Variants in CCDC110 observed in about 807,000 individuals in gnomAD.
CCDC110 encodes coiled-coil domain-containing protein 110.
CCDC110 carries 70 observed loss-of-function variants against 77.1 expected under a neutral mutation model. The ratio of observed to expected loss-of-function variants is 0.91; its 90% CI spans 0.75 to 1.11. The LOEUF (loss-of-function observed/expected upper bound fraction) is 1.11, where lower values mean the gene tolerates loss of function less well. CCDC110 is among the 50% of genes least tolerant of loss of function. CCDC110 has a pLI of 0.00. For missense variants in CCDC110, 868 were observed against 942.9 expected, an observed-to-expected ratio of 0.92 and a Z score of 1.04; for synonymous variants, 295 against 312.5, an observed-to-expected ratio of 0.94 and a Z score of 0.59.
chr4:185,471,083 G>T, intron 1 of CCDC110, 34 bp from the exon 2 acceptor site: 2 of 1,367,088 alleles, frequency 1.5e-6, no homozygotes, highest in South Asian at 1.2e-5. Context: ...GTTCTGTCGC[G>T]GGTCGTGGCG....
chr4:185,449,666 TC>T (rs1294095695), intron 6 of CCDC110: 2 of 1,494,138 alleles, frequency 1.3e-6, no homozygotes. Context: ...CAAGTAGCTT[TC>T]TAGATCTTAA....
In CCDC110 at chr4:185,460,037, T is replaced by A; in HGVS notation, c.550A>T (p.Ile184Phe). ...TCAGAATTTTCTGAAGGGTGTATAA[T>A]TATGTTTGAAGATAAATTGTCTGTT... The part of the protein sequence containing the change: ...TSTDNLSSNI[I>F]IHPSENSDIL... Residue 184 changes from isoleucine to phenylalanine, a missense_variant, in exon 6 of 7, where the codon ATT (isoleucine) becomes TTT (phenylalanine). Transcript: ENST00000307588. The A allele has an allele frequency of 6.2e-7, 1 of 1,613,584 alleles. No individual in the cohort carries two copies.
intron 6 of CCDC110, among the ~76,000 whole-genome samples, chr4:185,454,584 C>T (rs1192474655): frequency 6.6e-6 from 1 of 151,936 alleles, no homozygotes; most frequent in Non-Finnish European, 1.5e-5. Context: ...CATGGTGGCA[C>T]ATGCCTGTAG....
intron 2 of CCDC110, 121 bp from the exon 3 acceptor site, chr4:185,463,170 G>T: frequency 2.9e-6 from 2 of 686,080 alleles, no homozygotes; most frequent in East Asian, 2.6e-5. Context: ...GAGAACTTCT[G>T]ATATTCACAC....
At chr4:185,467,967 C>G (rs2095659226) in intron 2 of CCDC110, among the ~76,000 whole-genome samples, 1 of 152,190 alleles carries the variant, frequency 6.6e-6, no homozygotes, top group Non-Finnish European at 1.5e-5. Flanking sequence ...CGGGGTTTCA[C>G]CATGTTGGCC....
chr4:185,454,436 G>A (rs190226731), intron 6 of CCDC110, among the ~76,000 whole-genome samples: 45 of 152,016 alleles, frequency 3.0e-4, no homozygotes, highest in East Asian at 2.2e-3. Flanking sequence ...TAAAATTGTC[G>A]GGCGTGGTGG....
intron 2 of CCDC110, 106 bp downstream of exon 2, chr4:185,470,839 C>A: frequency 1.2e-6 from 1 of 826,902 alleles, no homozygotes; most frequent in South Asian, 1.3e-5. Flanking sequence ...GGCTGCTGTC[C>A]GTGTCATCAC....
chr4:185,453,814 T>A (rs1440257054), intron 6 of CCDC110, among the ~76,000 whole-genome samples: 1 of 21,852 alleles, frequency 4.6e-5, no homozygotes, highest in Non-Finnish European at 6.7e-5. Context: ...CTCGTTGCTA[T>A]TTTTTTTTTT....
chr4:185,471,509 C>T (rs1354506382), intron 1 of CCDC110, 165 bp downstream of exon 1: 5 of 684,548 alleles, frequency 7.3e-6, no homozygotes, highest in Non-Finnish European at 9.4e-6. Flanking sequence ...CAGGGGGCCG[C>T]AGCGGGTGCT....
At chr4:185,450,389 A>G (rs1456698560) in intron 6 of CCDC110, among the ~76,000 whole-genome samples, 1 of 152,128 alleles carries the variant, frequency 6.6e-6, no homozygotes, top group Non-Finnish European at 1.5e-5. Context: ...GGGGCATCCC[A>G]CCTAGGCCTT....
At position 185,459,674 on chromosome 4, in the gene CCDC110, C is replaced by T. The variant is rs1172570307; in HGVS notation, c.913G>A (p.Glu305Lys). ...KEENLDGNLNEDIKSKRISEL... is the reference protein window; with the variant it reads ...KEENLDGNLNKDIKSKRISEL... ...GAAATTCTCTTTGATTTTATATCTT[C>T]ATTTAAGTTACCGTCCAAGTTTTCT... The change falls in exon 6 of 7, where the codon GAA (glutamate) becomes AAA (lysine). Residue 305 changes from glutamate (E) to lysine (K), a missense_variant. By Grantham distance (56) the Glu-to-Lys change is moderately conservative. Coordinates refer to ENST00000307588, the MANE Select transcript of CCDC110 (RefSeq NM_152775.4). 1 of 1,611,878 alleles carries T rather than the reference C, an allele frequency of 6.2e-7. No homozygotes were observed. Among genetic ancestry groups the T allele is most frequent in the Non-Finnish European group, 8.5e-7 (1 of 1,179,410 alleles).
intron 6 of CCDC110, among the ~76,000 whole-genome samples, chr4:185,456,169 C>A (rs1185443688): frequency 6.6e-6 from 1 of 151,882 alleles, no homozygotes; most frequent in East Asian, 1.9e-4. Context: ...CTGATCAAAA[C>A]AGAATTAAAT....
intron 6 of CCDC110, chr4:185,452,349 G>A (rs1378901274): frequency 3.0e-6 from 3 of 985,268 alleles, no homozygotes; most frequent in African/African-American, 3.5e-5. Context: ...CAAACTGTCT[G>A]CTTACATCTG....
At chr4:185,455,793 G>T (rs1363054729) in intron 6 of CCDC110, among the ~76,000 whole-genome samples, 1 of 152,094 alleles carries the variant, frequency 6.6e-6, no homozygotes, top group Non-Finnish European at 1.5e-5. Flanking sequence ...TGAGGCAGGA[G>T]AATTGCTGGA....
At chr4:185,464,151 T>C (rs1191598423) in intron 2 of CCDC110, among the ~76,000 whole-genome samples, 1 of 152,228 alleles carries the variant, frequency 6.6e-6, no homozygotes, top group Non-Finnish European at 1.5e-5. Context: ...AGAGCTATGA[T>C]GGAACGTTCC....
intron 6 of CCDC110, among the ~76,000 whole-genome samples, chr4:185,447,924 A>C (rs548971262): frequency 3.6e-4 from 55 of 152,344 alleles, no homozygotes; most frequent in African/African-American, 1.3e-3. Context: ...AGTCCTTCTT[A>C]GCTGCAATAA....
intron 2 of CCDC110, among the ~76,000 whole-genome samples, chr4:185,466,123 C>G (rs1030752833): frequency 6.6e-6 from 1 of 152,084 alleles, no homozygotes; most frequent in Non-Finnish European, 1.5e-5. Context: ...CACCTGTAAT[C>G]CCAGCACTTT....
intron 6 of CCDC110, among the ~76,000 whole-genome samples, chr4:185,450,513 C>CTGAGTCG (rs2095627243): frequency 6.6e-6 from 1 of 152,192 alleles, no homozygotes; most frequent in Admixed American, 6.5e-5. Context: ...CTTTGGGAGG[C>CTGAGTCG]TGAGTCGGGT....
chr4:185,462,737 G>A lies in CCDC110; in HGVS notation c.172-29C>T, dbSNP rs1180980446. On this transcript the variant is annotated intron_variant, in intron 3 of 6. Transcript: ENST00000307588. ...TGACAAAAGTAAAGTATGAAATTGA[G>A]TATTTTTAGGTAGGTAAACGTATTC... 5.8e-6 allele frequency: 9 copies of A among 1,544,730 alleles called. No homozygotes were observed. The South Asian group carries it at 6.7e-5, about 11-fold the overall frequency.
Sources: gnomAD v4.1 joint callset for allele counts (sites outside exome capture counted in the v4.1 genomes callset) on GRCh38, gnomAD v4.1.1 for gene constraint, MANE v1.5 for transcripts, NCBI Gene and HGNC (gene_info 2026-07-23, HGNC 2026-07-21) for gene names.